RBMS3: variants seen among roughly 807,000 people sequenced by gnomAD.
RBMS3 encodes RNA-binding motif, single-stranded-interacting protein 3.
A neutral mutation model predicts 66.8 loss-of-function variants in RBMS3; 27 were observed. The observed-to-expected ratio is 0.40, with a 90% CI of 0.30 to 0.56. The LOEUF (loss-of-function observed/expected upper bound fraction) is 0.56, where lower values mean the gene tolerates loss of function less well. Among genes scored for constraint, RBMS3 ranks in the 20% least tolerant of loss-of-function variants. The probability of loss-of-function intolerance (pLI) is 0.40; values close to 1 mark genes in which losing one functional copy is unlikely to be tolerated. For missense variants in RBMS3, 513 were observed against 549.5 expected, an observed-to-expected ratio of 0.93 and a Z score of 0.66; for synonymous variants, 188 against 183.0, an observed-to-expected ratio of 1.03 and a Z score of -0.22.
At chr3:29,658,111 T>A (rs1176218444) in intron 4 of RBMS3, among the ~76,000 whole-genome samples, 1 of 152,176 alleles carries the variant, frequency 6.6e-6, no homozygotes, top group Non-Finnish European at 1.5e-5. Context: ...CTGAAACTTA[T>A]TTTCCTGTTT....
chr3:29,967,227 C>T (rs999074285), intron 12 of RBMS3, among the ~76,000 whole-genome samples: 1 of 152,128 alleles, frequency 6.6e-6, no homozygotes, highest in African/African-American at 2.4e-5. Flanking sequence ...AGGGAGGTTC[C>T]TTCTTTCTCT....
intron 4 of RBMS3, among the ~76,000 whole-genome samples, chr3:29,739,372 C>T (rs1388187204): frequency 6.7e-6 from 1 of 148,738 alleles, no homozygotes; most frequent in Non-Finnish European, 1.5e-5. Context: ...AGGAGAATGG[C>T]GTGAACCCGG....
chr3:29,296,463 T>C (rs550684253), intron 1 of RBMS3, among the ~76,000 whole-genome samples: 6 of 151,916 alleles, frequency 3.9e-5, no homozygotes, highest in African/African-American at 1.4e-4. Context: ...GGTTTATCAA[T>C]TGAGCTGGAA....
chr3:29,693,282 C>A (rs1054527300), intron 4 of RBMS3, among the ~76,000 whole-genome samples: 2 of 152,112 alleles, frequency 1.3e-5, no homozygotes, highest in Non-Finnish European at 2.9e-5. Context: ...CAGACTAATA[C>A]ATAGACCTCA....
Position 29,762,824 on chromosome 3 carries a change from T to C in RBMS3, c.558-86T>C. 5 of 933,284 alleles carry C rather than the reference T, an allele frequency of 5.4e-6. No individual in the cohort carries two copies. In the South Asian group the frequency reaches 7.6e-5, roughly 14 times the overall value. 57.8% of individuals were successfully genotyped at this position (933,284 alleles called of 1,614,324 possible). ...GGGTACAATTCTCAAATCAAGTATT[T>C]CTATGGCTTTCTTGTTTTCCTTTAC... On this transcript the variant is annotated intron_variant, in intron 5 of 14. Coordinates refer to ENST00000383767, the MANE Select transcript of RBMS3 (RefSeq NM_001003793.3).
intron 1 of RBMS3, among the ~76,000 whole-genome samples, chr3:29,324,149 C>T (rs1218850694): frequency 6.6e-6 from 1 of 152,116 alleles, no homozygotes; most frequent in South Asian, 2.1e-4. Context: ...GTGCAATGAA[C>T]TTAAATGCAC....
chr3:29,598,263 G>A (rs1336069438), intron 4 of RBMS3, among the ~76,000 whole-genome samples: 1 of 151,934 alleles, frequency 6.6e-6, no homozygotes. Context: ...AGAAAATATT[G>A]ATTTGCTAAT....
intron 4 of RBMS3, among the ~76,000 whole-genome samples, chr3:29,592,606 C>G (rs2047782130): frequency 6.6e-6 from 1 of 152,124 alleles, no homozygotes; most frequent in Non-Finnish European, 1.5e-5. Flanking sequence ...GTGGTGATTC[C>G]TCAAGGATCT....
intron 3 of RBMS3, among the ~76,000 whole-genome samples, chr3:29,575,153 C>A (rs2047075403): frequency 6.6e-6 from 1 of 152,130 alleles, no homozygotes; most frequent in Non-Finnish European, 1.5e-5. Flanking sequence ...GAAGAACACC[C>A]TTTAGCATTT....
chr3:29,351,591 T>C (rs1194520660), intron 1 of RBMS3, among the ~76,000 whole-genome samples: 1 of 152,096 alleles, frequency 6.6e-6, no homozygotes, highest in African/African-American at 2.4e-5. Context: ...TTACTGACTT[T>C]TTTGAGTTTT....
intron 12 of RBMS3, among the ~76,000 whole-genome samples, chr3:29,953,437 C>T (rs573204350): frequency 6.6e-6 from 1 of 152,036 alleles, no homozygotes; most frequent in South Asian, 2.1e-4. Context: ...AATGCTATGA[C>T]CTTGCAAATA....
chr3:29,576,544 CA>C (rs2047127422), intron 3 of RBMS3, among the ~76,000 whole-genome samples: 2 of 152,240 alleles, frequency 1.3e-5, no homozygotes, highest in East Asian at 3.9e-4. Context: ...AAAATCCAGC[CA>C]AGTTTGTGTC....
At chr3:29,422,707 C>T (rs952684116) in intron 1 of RBMS3, among the ~76,000 whole-genome samples, 1 of 152,084 alleles carries the variant, frequency 6.6e-6, no homozygotes, top group African/African-American at 2.4e-5. Flanking sequence ...TACCACCTCA[C>T]AGCCCCAAAC....
chr3:29,778,373 A>G (rs1443227786), intron 6 of RBMS3, among the ~76,000 whole-genome samples: 1 of 150,588 alleles, frequency 6.6e-6, no homozygotes, highest in African/African-American at 2.4e-5. Flanking sequence ...CTACTAAAAG[A>G]TATAGTTAGA....
At chr3:29,436,233 T>C (rs1018076903) in intron 2 of RBMS3, among the ~76,000 whole-genome samples, 1 of 152,168 alleles carries the variant, frequency 6.6e-6, no homozygotes, top group Non-Finnish European at 1.5e-5. Context: ...TTATTTGCCT[T>C]TGTCCTAGAT....
Position 29,991,207 on chromosome 3 carries a change from T to G in RBMS3, c.1305T>G (p.Ser435=). Residue 435 remains serine (S), a splice_region_variant and synonymous_variant, in exon 14 of 15, where the codon TCT becomes TCG. Transcript: ENST00000383767. ...EHAPAYSYQQ[S]KP Reference sequence around the variant, plus strand: ...CACCTGCATATTCTTACCAACAGTCTAAGTAAGTCTGGGCTGTGCTAAGCT... The same window carrying G: ...CACCTGCATATTCTTACCAACAGTCGAAGTAAGTCTGGGCTGTGCTAAGCT... 1 of 1,612,754 alleles carries G rather than the reference T, an allele frequency of 6.2e-7. No homozygotes were observed.
At chr3:29,881,854 T>C (rs1454380687) in intron 7 of RBMS3, among the ~76,000 whole-genome samples, 1 of 152,084 alleles carries the variant, frequency 6.6e-6, no homozygotes, top group African/African-American at 2.4e-5. Flanking sequence ...ATAGCATTGG[T>C]CTCTTTGAGC....
chr3:29,744,705 ACCT>A (rs1424956427), intron 5 of RBMS3, among the ~76,000 whole-genome samples: 11 of 151,306 alleles, frequency 7.3e-5, no homozygotes, highest in African/African-American at 2.7e-4. Context: ...AATCGCTTGA[ACCT>A]GGGAGGTAGA....
intron 3 of RBMS3, among the ~76,000 whole-genome samples, chr3:29,492,211 CA>C (rs1412531964): frequency 6.6e-6 from 1 of 151,996 alleles, no homozygotes; most frequent in Non-Finnish European, 1.5e-5. Context: ...AAATCATGAT[CA>C]AAAATATACT....
Sources: allele counts gnomAD v4.1 joint callset (sites outside exome capture counted in the v4.1 genomes callset), GRCh38; gene constraint gnomAD v4.1.1; transcripts MANE v1.5; gene names NCBI Gene and HGNC (gene_info 2026-07-23, HGNC 2026-07-21).